Variants in USF2 observed in about 807,000 individuals in gnomAD.
USF2 encodes the protein upstream stimulatory factor 2.
In USF2, 16 loss-of-function variants were observed where a neutral mutation model predicts 46.9. That is an observed-to-expected ratio of 0.34 (90% confidence interval 0.23 to 0.52). The LOEUF (loss-of-function observed/expected upper bound fraction) is 0.52. USF2 is among the 20% of genes least tolerant of loss of function. USF2 has a pLI of 0.96. For synonymous variants in USF2, 239 were observed against 194.1 expected, an observed-to-expected ratio of 1.23 and a Z score of -1.92; for missense variants, 411 against 474.0, an observed-to-expected ratio of 0.87 and a Z score of 1.23.
At chr19:35,272,030 G>A (rs1045266052) in intron 7 of USF2, among the ~76,000 whole-genome samples, 9 of 152,150 alleles carry the variant, frequency 5.9e-5, no homozygotes, top group African/African-American at 1.4e-4. Context: ...GGAAGGCCTC[G>A]AATGCCCGAG....
At chr19:35,275,095 C>G (rs1308963713) in intron 7 of USF2, 2 of 152,266 alleles carry the variant, frequency 1.3e-5, no homozygotes, top group Non-Finnish European at 2.9e-5. Context: ...GAATCTCGCT[C>G]TGTCACAGTG....
rs1309773249 is a variant in USF2, at chr19:35,270,234, C to T, written c.430-213C>T. 3.3e-6 allele frequency: 3 copies of T among 913,240 alleles called. No individual in the cohort carries two copies. In the South Asian group the frequency reaches 5.7e-5, roughly 17 times the overall value. The allele number at this position is 913,240 out of a possible 1,614,324, so 56.6% of individuals were successfully genotyped here. A position where few individuals can be genotyped will look rare whatever the true frequency, so the allele number is the denominator to read the frequency against. The stretch of plus-strand genomic sequence containing the variant: ...ATGATGTGTCTTAAGAGGAAAGTTT[C>T]TTAGAGTGCGAAACGGATTTGCTCA... On this transcript the variant is annotated intron_variant, in intron 4 of 9. Coordinates refer to ENST00000222305, the MANE Select transcript of USF2 (RefSeq NM_003367.4).
intron 7 of USF2, 53 bp from the exon 8 acceptor site, chr19:35,278,645 C>T (rs148733618): frequency 3.8e-6 from 6 of 1,586,474 alleles, no homozygotes; most frequent in South Asian, 1.1e-5. Context: ...TGAGGACGGC[C>T]GCTCAGGCAT....
rs73030002 is a variant in USF2, at chr19:35,279,816, C to A, written c.*560C>A. The A allele has an allele frequency of 9.7e-3, 1,488 of 152,880 alleles. 15 individuals are homozygous for A. The highest frequency in any genetic ancestry group is 0.017 in the Non-Finnish European group (1,151 of 68,208). 9.5% of individuals were successfully genotyped at this position (152,880 alleles called of 1,614,324 possible). A position where few individuals can be genotyped will look rare whatever the true frequency, so the allele number is the denominator to read the frequency against. ...TAAACTGGCCCCATGTGGCCCCCGC[C>A]TTGTCTGCTTGTGTGTTTGTCCATC... On this transcript the variant is annotated 3_prime_UTR_variant, in exon 10 of 10. Transcript: ENST00000222305.
chr19:35,278,830 G>A (rs371634395), intron 8 of USF2, 38 bp downstream of exon 8: 22 of 1,612,496 alleles, frequency 1.4e-5, no homozygotes, highest in East Asian at 2.2e-5. Context: ...CGGTGGTCCC[G>A]GCCCCCGACC....
At chr19:35,270,317 T>G in intron 4 of USF2, 130 bp from the exon 5 acceptor site, 1 of 1,341,684 alleles carries the variant, frequency 7.5e-7, no homozygotes, top group Non-Finnish European at 1.0e-6. Flanking sequence ...CAGGACAGAA[T>G]GCTACACGCA....
In USF2 at chr19:35,270,776, G is replaced by C; in HGVS notation, c.639G>C (p.Thr213=). 1 of 1,614,056 alleles carries C rather than the reference G, an allele frequency of 6.2e-7. No individual in the cohort carries two copies. Among genetic ancestry groups the C allele is most frequent in the Non-Finnish European group, 8.5e-7 (1 of 1,180,012 alleles). Residue 213 remains threonine (T), a synonymous_variant, in exon 6 of 10, where the codon ACG becomes ACC. Transcript: ENST00000222305. Reference sequence around the variant, plus strand: ...TGCTTCAGACAGGAACACAGAGGACGATCGCCCCCCGGACACACCCTTACT... The same window carrying C: ...TGCTTCAGACAGGAACACAGAGGACCATCGCCCCCCGGACACACCCTTACT... The part of the protein sequence containing the change: ...QDVLQTGTQR[T]IAPRTHPYSP...
chr19:35,269,585 G>T lies in USF2; in HGVS notation c.114G>T (p.Gly38=). 3 of 1,587,258 alleles carry T rather than the reference G, an allele frequency of 1.9e-6. No individual in the cohort carries two copies. Among genetic ancestry groups the T allele is most frequent in the East Asian group, 2.3e-5 (1 of 43,378 alleles). ...CCCGACCCTCCTCGGCCCCAGGCGG[G>T]GACGGCCCAGGAGCGGAGGAGCAGA... ...AEEGVELQEG[G]DGPGAEEQTA... is the part of the protein sequence containing the mutation. The change falls in exon 3 of 10, where the codon GGG becomes GGT. Residue 38 remains glycine, a synonymous_variant. Transcript: ENST00000222305.
At chr19:35,275,412 C>T (rs1196065426) in intron 7 of USF2, 1 of 148,722 alleles carries the variant, frequency 6.7e-6, no homozygotes, top group African/African-American at 2.5e-5. Context: ...ACACCCCAAC[C>T]CCAGCTTTTT....
intron 7 of USF2, among the ~76,000 whole-genome samples, chr19:35,271,899 TGGG>T (rs993058567): frequency 6.6e-6 from 1 of 151,810 alleles, no homozygotes; most frequent in Non-Finnish European, 1.5e-5. Flanking sequence ...GGGACATTGA[TGGG>T]GGGTGGGCTG....
chr19:35,273,932 C>T (rs548735505), intron 7 of USF2, among the ~76,000 whole-genome samples: 1 of 152,314 alleles, frequency 6.6e-6, no homozygotes, highest in African/African-American at 2.4e-5. Context: ...TGGTCAGTAT[C>T]CCCCAAACTC....
chr19:35,269,446 C>T lies in USF2; in HGVS notation c.63C>T (p.Ser21=), dbSNP rs1296569473. The change falls in exon 2 of 10, where the codon AGC becomes AGT. Residue 21 remains serine (S), a splice_region_variant and synonymous_variant. Transcript: ENST00000222305. ...CTGCTCCCTCCTGTGCCCCTGGCAG[C>T]CACGACAAGGGACCCGAGGCGGAGG... is the stretch of plus-strand genomic sequence containing the variant. ...AASATAAAAA[S]HDKGPEAEEG... 1 of 1,531,560 alleles carries T rather than the reference C, an allele frequency of 6.5e-7. No homozygotes were observed. The highest frequency in any genetic ancestry group is 8.7e-7 in the Non-Finnish European group (1 of 1,148,264). The allele number at this position is 1,531,560 out of a possible 1,614,324, so 94.9% of individuals were successfully genotyped here. A position where few individuals can be genotyped will look rare whatever the true frequency, so the allele number is the denominator to read the frequency against.
rs1335009480 is a variant in USF2 at position 35,270,789 on chromosome 19, A to G, written c.652A>G (p.Thr218Ala). 15 of 1,614,044 alleles carry G rather than the reference A, an allele frequency of 9.3e-6. No individual in the cohort carries two copies. The East Asian group carries it at 3.3e-4, about 36-fold the overall frequency. ...TGTQRTIAPR[T>A]HPYSPKIDGT... ...AACACAGAGGACGATCGCCCCCCGG[A>G]CACACCCTTACTCTCCGTATGTGCA... Residue 218 changes from threonine (T) to alanine (A), a missense_variant, in exon 6 of 10, where the codon ACA becomes GCA. Coordinates refer to ENST00000222305, the MANE Select transcript of USF2 (RefSeq NM_003367.4).
In USF2 at chr19:35,278,957, G is replaced by A. The variant is rs1197120671; in HGVS notation, c.834G>A (p.Gly278=). ...DNSKTGASKG[G]ILSKACDYIR... ...CCCTCGCCCCCCAGAGTAAAGGAGGGATCCTGTCCAAGGCCTGCGATTACA... is the reference window on the plus strand; with the variant it reads ...CCCTCGCCCCCCAGAGTAAAGGAGGAATCCTGTCCAAGGCCTGCGATTACA... The change falls in exon 9 of 10, where the codon GGG becomes GGA. Residue 278 remains glycine (G), a synonymous_variant. Coordinates refer to ENST00000222305, the MANE Select transcript of USF2 (RefSeq NM_003367.4). 3 of 1,554,558 alleles carry A rather than the reference G, an allele frequency of 1.9e-6. No individual in the cohort carries two copies. Among genetic ancestry groups the A allele is most frequent in the African/African-American group, 1.4e-5 (1 of 73,266 alleles).
rs1474971524 is a variant in USF2, at chr19:35,270,608, G to A, written c.580+11G>A. Reference sequence around the variant, plus strand: ...GCTTGCAGGCTGGAGGTGAGGAGTAGAAGTCAGATTGGCAGGTGGGGGAGG... The same window carrying A: ...GCTTGCAGGCTGGAGGTGAGGAGTAAAAGTCAGATTGGCAGGTGGGGGAGG... On this transcript the variant is annotated intron_variant, in intron 5 of 9. Coordinates refer to ENST00000222305, the MANE Select transcript of USF2 (RefSeq NM_003367.4). The A allele has an allele frequency of 1.9e-6, 3 of 1,612,810 alleles. No individual in the cohort carries two copies. Among genetic ancestry groups the A allele is most frequent in the Non-Finnish European group, 2.5e-6 (3 of 1,179,064 alleles).
Position 35,279,271 on chromosome 19 carries a change from A to T in USF2, c.*15A>T, listed in dbSNP as rs12742. ...CCCGGCAGTGACGCCCGCCACCACC[A>T]CGCAGCCGCCGCCGCCCACGCCGGC... On this transcript the variant is annotated 3_prime_UTR_variant, in exon 10 of 10. Transcript: ENST00000222305. 4 of 1,497,976 alleles carry T rather than the reference A, an allele frequency of 2.7e-6. No individual in the cohort carries two copies. Among genetic ancestry groups the T allele is most frequent in the African/African-American group, 1.4e-5 (1 of 71,586 alleles). 92.8% of individuals were successfully genotyped at this position (1,497,976 alleles called of 1,614,324 possible).
At chr19:35,270,855 G>A (rs2066143817) in intron 6 of USF2, 50 bp downstream of exon 6, 4 of 1,607,998 alleles carry the variant, frequency 2.5e-6, no homozygotes, top group African/African-American at 1.3e-5. Flanking sequence ...GGAAGGAAGA[G>A]GGGTTTCTGG....
chr19:35,276,069 C>CTTTTTT (rs752967792), intron 7 of USF2, among the ~76,000 whole-genome samples: 11 of 112,024 alleles, frequency 9.8e-5, no homozygotes, highest in Admixed American at 1.1e-4. Context: ...TGAATTTTCT[C>CTTTTTT]TTTTTTTTTT....
At chr19:35,271,410 G>A (rs1260810565) in intron 7 of USF2, among the ~76,000 whole-genome samples, 1 of 152,178 alleles carries the variant, frequency 6.6e-6, no homozygotes, top group Non-Finnish European at 1.5e-5. Flanking sequence ...TAAGATGGTG[G>A]ACTTCACACT....
Sources: allele counts gnomAD v4.1 joint callset (sites outside exome capture counted in the v4.1 genomes callset), GRCh38; gene constraint gnomAD v4.1.1; transcripts MANE v1.5; gene names NCBI Gene and HGNC (gene_info 2026-07-23, HGNC 2026-07-21).